The following ABCB1 variants were observed in gnomAD, a reference collection of about 807,000 sequenced individuals.
The protein encoded by ABCB1 is ATP binding cassette subfamily B member 1, also known as ATP-dependent translocase ABCB1.
Under a neutral mutation model 142.0 loss-of-function variants are expected in ABCB1, and 69 were observed. The observed-to-expected ratio is 0.49, with a 90% CI of 0.40 to 0.59. The LOEUF (loss-of-function observed/expected upper bound fraction) is 0.59, where lower values mean the gene tolerates loss of function less well. Ranked by LOEUF, ABCB1 falls within the 20% of genes least tolerant of loss-of-function variation. ABCB1 has a pLI of 0.00. For missense variants in ABCB1, 1,326 were observed against 1,554.7 expected, an observed-to-expected ratio of 0.85 and a Z score of 2.47; for synonymous variants, 532 against 539.2, an observed-to-expected ratio of 0.99 and a Z score of 0.18.
At chr7:87,626,336 G>GTGTCATA (rs1820528696) in intron 1 of ABCB1, among the ~76,000 whole-genome samples, 2 of 12,156 alleles carry the variant, frequency 1.6e-4, no homozygotes, top group Non-Finnish European at 2.5e-4. Context: ...TATATGTGTC[G>GTGTCATA]TATATGTGTC....
intron 1 of ABCB1, among the ~76,000 whole-genome samples, chr7:87,652,621 G>GAT (rs373344881): frequency 0.078 from 9,786 of 125,146 alleles, 593 homozygotes; most frequent in African/African-American, 0.16. Flanking sequence ...TGTGGTCACT[G>GAT]ATATATATAT....
chr7:87,649,731 G>C (rs188479582), intron 1 of ABCB1, among the ~76,000 whole-genome samples: 1 of 152,252 alleles, frequency 6.6e-6, no homozygotes, highest in African/African-American at 2.4e-5. Flanking sequence ...ATCTCATCTT[G>C]AATTGTAGCT....
chr7:87,704,144 C>T (rs1194718149), intron 1 of ABCB1, among the ~76,000 whole-genome samples: 1 of 151,982 alleles, frequency 6.6e-6, no homozygotes, highest in East Asian at 1.9e-4. Flanking sequence ...TGGTCTCGAA[C>T]TCCTGAGTTC....
intron 4 of ABCB1, 132 bp downstream of exon 4, chr7:87,585,380 T>C (rs1818698452): frequency 1.2e-6 from 1 of 857,900 alleles, no homozygotes; most frequent in Admixed American, 2.1e-5. Context: ...ATATGAATTA[T>C]AACTCAGACT....
chr7:87,591,754 T>A (rs144487273), intron 3 of ABCB1, among the ~76,000 whole-genome samples: 75 of 152,112 alleles, frequency 4.9e-4, no homozygotes, highest in African/African-American at 1.8e-3. Flanking sequence ...TAGAAGATAG[T>A]ATAATTATGC....
At chr7:87,609,014 G>A (rs537059594) in intron 1 of ABCB1, among the ~76,000 whole-genome samples, 17 of 152,262 alleles carry the variant, frequency 1.1e-4, no homozygotes, top group African/African-American at 1.9e-4. Flanking sequence ...ATATCCATGA[G>A]CAAAACATAC....
chr7:87,702,698 A>G (rs1829203258), intron 1 of ABCB1, among the ~76,000 whole-genome samples: 1 of 152,198 alleles, frequency 6.6e-6, no homozygotes, highest in Admixed American at 6.5e-5. Context: ...TAGGATTATA[A>G]AATGTCTGAA....
chr7:87,566,279 T>C, intron 6 of ABCB1, 38 bp from the exon 7 acceptor site: 1 of 1,601,648 alleles, frequency 6.2e-7, no homozygotes, highest in Non-Finnish European at 8.6e-7. Flanking sequence ...ATTGTCAGAA[T>C]TGTAAACATC....
intron 1 of ABCB1, among the ~76,000 whole-genome samples, chr7:87,621,460 C>T (rs182218050): frequency 8.5e-4 from 130 of 152,168 alleles, no homozygotes; most frequent in African/African-American, 3.0e-3. Flanking sequence ...AAAAATTAGG[C>T]TCTTTCACCA....
intron 1 of ABCB1, among the ~76,000 whole-genome samples, chr7:87,630,285 T>C (rs1161630615): frequency 6.6e-6 from 1 of 152,228 alleles, no homozygotes; most frequent in African/African-American, 2.4e-5. Context: ...ACAGTGACTT[T>C]TTAAAAAATA....
intron 1 of ABCB1, among the ~76,000 whole-genome samples, chr7:87,616,118 TCTACCTTCTAAAATTATGTAC>T (rs1409817470): frequency 6.6e-6 from 1 of 152,212 alleles, no homozygotes; most frequent in Non-Finnish European, 1.5e-5. Context: ...ATAATAAGCA[TCTACCTTCTAAAATTATGTAC>T]CTGAGTGTTA....
chr7:87,628,840 TG>T (rs1554445885), intron 1 of ABCB1: 10 of 1,262,314 alleles, frequency 7.9e-6, no homozygotes, highest in Admixed American at 4.0e-5. Flanking sequence ...TCCCGGAGCC[TG>T]GGGGGCCTGA....
At chr7:87,704,347 G>A (rs1829407899) in intron 1 of ABCB1, among the ~76,000 whole-genome samples, 2 of 152,164 alleles carry the variant, frequency 1.3e-5, no homozygotes, top group Non-Finnish European at 2.9e-5. Flanking sequence ...AAGTATTCTA[G>A]ATGCTACATA....
chr7:87,709,208 G>A (rs995230340), intron 1 of ABCB1: 1 of 982,020 alleles, frequency 1.0e-6, no homozygotes, highest in African/African-American at 1.7e-5. Context: ...CAGGAAGCAA[G>A]ATTTTCCCTA....
intron 14 of ABCB1, 63 bp downstream of exon 14, chr7:87,549,285 G>T (rs1365771972): frequency 1.3e-6 from 2 of 1,599,126 alleles, no homozygotes; most frequent in East Asian, 2.2e-5. Flanking sequence ...ATATTAACAA[G>T]AATTAGTAGT....
intron 1 of ABCB1, among the ~76,000 whole-genome samples, chr7:87,626,255 A>G (rs1309025009): frequency 1.2e-5 from 1 of 84,764 alleles, no homozygotes; most frequent in Non-Finnish European, 2.2e-5. Flanking sequence ...TATGTCATAT[A>G]TATGTGTCAT....
intron 1 of ABCB1, among the ~76,000 whole-genome samples, chr7:87,626,201 T>C (rs1308516796): frequency 5.2e-5 from 6 of 116,210 alleles, no homozygotes; most frequent in Non-Finnish European, 9.3e-5. Flanking sequence ...CATATATATG[T>C]CATATATATG....
chr7:87,550,364 C>T, intron 11 of ABCB1, 68 bp from the exon 12 acceptor site: 1 of 1,611,250 alleles, frequency 6.2e-7, no homozygotes, highest in Non-Finnish European at 8.5e-7. Flanking sequence ...ACTGACTGTT[C>T]ACTAGGTTTA....
intron 7 of ABCB1, chr7:87,565,511 A>C (rs1817749664): frequency 2.2e-6 from 1 of 447,578 alleles, no homozygotes; most frequent in Admixed American, 2.5e-5. Context: ...ATGCATCCTT[A>C]GGGACTAGAA....
Sources: gnomAD v4.1 joint callset for allele counts (sites outside exome capture counted in the v4.1 genomes callset) on GRCh38, gnomAD v4.1.1 for gene constraint, MANE v1.5 for transcripts, NCBI Gene and HGNC (gene_info 2026-07-23, HGNC 2026-07-21) for gene names.